The following AFAP1 variants were observed in gnomAD, a reference collection of about 807,000 sequenced individuals.
The protein encoded by AFAP1 is actin filament-associated protein 1.
In AFAP1, 75 loss-of-function variants were observed where a neutral mutation model predicts 93.9. The ratio of observed to expected loss-of-function variants is 0.80; its 90% CI spans 0.66 to 0.97. The LOEUF is 0.97. Among genes scored for constraint, AFAP1 ranks in the 50% least tolerant of loss-of-function variants. AFAP1 has a pLI of 0.00. For missense variants in AFAP1, 1,201 were observed against 1,050.8 expected, an observed-to-expected ratio of 1.14 and a Z score of -1.98; for synonymous variants, 517 against 430.7, an observed-to-expected ratio of 1.20 and a Z score of -2.48.
intron 1 of AFAP1, among the ~76,000 whole-genome samples, chr4:7,879,295 T>C (rs1717700486): frequency 6.6e-6 from 1 of 152,174 alleles, no homozygotes; most frequent in Admixed American, 6.5e-5. Context: ...CCTCACAATC[T>C]AATCATCATT....
chr4:7,908,211 C>CAA (rs149152593), intron 1 of AFAP1, among the ~76,000 whole-genome samples: 136 of 140,100 alleles, frequency 9.7e-4, no homozygotes, highest in Middle Eastern at 3.6e-3. Context: ...GACTCTGTCT[C>CAA]AAAAAAAAAA....
intron 5 of AFAP1, among the ~76,000 whole-genome samples, chr4:7,839,990 T>C (rs977717759): frequency 2.0e-5 from 3 of 152,214 alleles, no homozygotes; most frequent in Non-Finnish European, 4.4e-5. Context: ...AAGTGCTGAA[T>C]GTCGACATCA....
chr4:7,831,330 T>A (rs1039210959), intron 6 of AFAP1, among the ~76,000 whole-genome samples: 17 of 151,158 alleles, frequency 1.1e-4, no homozygotes, highest in African/African-American at 3.7e-4. Flanking sequence ...CAATTTAAAC[T>A]CTTTAGAAAA....
intron 12 of AFAP1, 62 bp from the exon 13 acceptor site, chr4:7,781,689 A>G: frequency 6.5e-7 from 1 of 1,533,778 alleles, no homozygotes; most frequent in Non-Finnish European, 8.8e-7. Flanking sequence ...CTTTTAGCAC[A>G]GTGAGATGTC....
chr4:7,931,033 A>G (rs980831560), intron 1 of AFAP1, among the ~76,000 whole-genome samples: 1 of 152,158 alleles, frequency 6.6e-6, no homozygotes, highest in Non-Finnish European at 1.5e-5. Flanking sequence ...ATAAGTCATG[A>G]GCTACCGTGC....
At chr4:7,773,548 G>A (rs1488390122) in intron 15 of AFAP1, 1 of 153,060 alleles carries the variant, frequency 6.5e-6, no homozygotes, top group Admixed American at 6.5e-5. Context: ...CCAATCCCAA[G>A]AGGTGAACGG....
Position 7,786,389 on chromosome 4 carries a change from G to C in AFAP1, c.1413-78C>G, listed in dbSNP as rs976627400. 3.1e-5 allele frequency: 37 copies of C among 1,204,454 alleles called. No individual in the cohort carries two copies. In the South Asian group the frequency reaches 4.7e-4, roughly 15 times the overall value. The allele number at this position is 1,204,454 out of a possible 1,614,324, so 74.6% of individuals were successfully genotyped here. A position where few individuals can be genotyped will look rare whatever the true frequency, so the allele number is the denominator to read the frequency against. On this transcript the variant is annotated intron_variant, in intron 11 of 17. Transcript: ENST00000420658. Reference sequence around the variant, plus strand: ...ATCAGTCAAGTCTTTAATGAGTTCTGACTTTATGCCCAAGGCTATGTCAGA... The same window carrying C: ...ATCAGTCAAGTCTTTAATGAGTTCTCACTTTATGCCCAAGGCTATGTCAGA...
chr4:7,818,931 CAGTTAAAA>C (rs1720715577), intron 7 of AFAP1, 137 bp downstream of exon 7: 1 of 676,654 alleles, frequency 1.5e-6, no homozygotes, highest in Non-Finnish European at 2.4e-6. Flanking sequence ...GCAAAGCAGG[CAGTTAAAA>C]AGATGGGAAG....
At chr4:7,890,792 C>A (rs1718427178) in intron 1 of AFAP1, among the ~76,000 whole-genome samples, 1 of 152,142 alleles carries the variant, frequency 6.6e-6, no homozygotes, top group Non-Finnish European at 1.5e-5. Flanking sequence ...CTCATCATAT[C>A]AAGCCTTAGC....
At chr4:7,928,637 T>C (rs1036369554) in intron 1 of AFAP1, among the ~76,000 whole-genome samples, 7 of 152,190 alleles carry the variant, frequency 4.6e-5, no homozygotes, top group African/African-American at 9.6e-5. Context: ...TCGCCCACCT[T>C]GGCCTCCCAA....
At chr4:7,854,646 AAAG>A (rs1714841687) in intron 4 of AFAP1, among the ~76,000 whole-genome samples, 1 of 152,238 alleles carries the variant, frequency 6.6e-6, no homozygotes, top group African/African-American at 2.4e-5. Context: ...GAGACCACGC[AAAG>A]AAGATCAATG....
At chr4:7,803,582 G>T (rs1046055598) in intron 9 of AFAP1, among the ~76,000 whole-genome samples, 1 of 148,314 alleles carries the variant, frequency 6.7e-6, no homozygotes, top group Non-Finnish European at 1.5e-5. Context: ...AAGAGGGCAT[G>T]GACTCTGCAG....
In AFAP1 at chr4:7,778,482, G is replaced by C. The variant is rs1284578273; in HGVS notation, c.1897+280C>G. ...CTGGAGCCCAGGGCCACCCGGAGCTGCAAGAAACCTGCACTCACAACTGCC... is the reference window on the plus strand; with the variant it reads ...CTGGAGCCCAGGGCCACCCGGAGCTCCAAGAAACCTGCACTCACAACTGCC... On this transcript the variant is annotated intron_variant, in intron 14 of 17. Coordinates refer to ENST00000420658, the MANE Select transcript of AFAP1 (RefSeq NM_001134647.2). 7 of 495,888 alleles carry C rather than the reference G, an allele frequency of 1.4e-5. No homozygotes were observed. In the Admixed American group the frequency reaches 2.1e-4, roughly 15 times the overall value. The allele number at this position is 495,888 out of a possible 1,614,324, so 30.7% of individuals were successfully genotyped here. A position where few individuals can be genotyped will look rare whatever the true frequency, so the allele number is the denominator to read the frequency against.
intron 16 of AFAP1, among the ~76,000 whole-genome samples, chr4:7,769,488 A>G (rs899625194): frequency 3.3e-5 from 5 of 152,242 alleles, no homozygotes; most frequent in South Asian, 2.1e-4. Flanking sequence ...GGAGAAAAGC[A>G]GGCTCCATGA....
At chr4:7,915,236 A>G (rs904223944) in intron 1 of AFAP1, among the ~76,000 whole-genome samples, 1 of 57,870 alleles carries the variant, frequency 1.7e-5, no homozygotes, top group African/African-American at 1.8e-4. Flanking sequence ...CCTTTTCTCC[A>G]TATCCTCGCC....
intron 1 of AFAP1, among the ~76,000 whole-genome samples, chr4:7,928,429 C>T (rs1205755542): frequency 6.6e-6 from 1 of 152,134 alleles, no homozygotes. Context: ...TCTCTGTCGC[C>T]CAGGCTGGAG....
At chr4:7,786,882 T>C (rs77239534) in intron 11 of AFAP1, among the ~76,000 whole-genome samples, 29,054 of 152,266 alleles carry the variant, frequency 0.19, 3,296 homozygotes, top group African/African-American at 0.31. Context: ...ATAAGCTTTC[T>C]GGAACACTCA....
At chr4:7,907,707 C>T (rs997555457) in intron 1 of AFAP1, among the ~76,000 whole-genome samples, 1 of 152,082 alleles carries the variant, frequency 6.6e-6, no homozygotes, top group Non-Finnish European at 1.5e-5. Context: ...GGATACTCAA[C>T]CAGCAAGTAT....
At chr4:7,764,083 C>T (rs142797302) in intron 17 of AFAP1, among the ~76,000 whole-genome samples, 1 of 152,164 alleles carries the variant, frequency 6.6e-6, no homozygotes, top group African/African-American at 2.4e-5. Context: ...TAAAACATGG[C>T]GAGTACAGAC....
Sources: allele counts gnomAD v4.1 joint callset (sites outside exome capture counted in the v4.1 genomes callset), GRCh38; gene constraint gnomAD v4.1.1; transcripts MANE v1.5; gene names NCBI Gene and HGNC (gene_info 2026-07-23, HGNC 2026-07-21).